The following TENT4A variants were observed in gnomAD, a reference collection of about 807,000 sequenced individuals.
TENT4A encodes the protein terminal nucleotidyltransferase 4A, also known as DNA polymerase kappa.
A neutral mutation model predicts 72.8 loss-of-function variants in TENT4A; 7 were observed. The observed-to-expected ratio is 0.10, with a 90% CI of 0.05 to 0.18. TENT4A has a LOEUF of 0.18. Among genes scored for constraint, TENT4A ranks in the 10% least tolerant of loss-of-function variants. The pLI, the probability that TENT4A is intolerant of heterozygous loss-of-function variation, is 1.00. For missense variants in TENT4A, 831 were observed against 1,017.7 expected, an observed-to-expected ratio of 0.82 and a Z score of 2.50; for synonymous variants, 456 against 434.3, an observed-to-expected ratio of 1.05 and a Z score of -0.62.
chr5:6,723,461 G>C (rs1207785043), intron 1 of TENT4A, among the ~76,000 whole-genome samples: 1 of 151,946 alleles, frequency 6.6e-6, no homozygotes, highest in Non-Finnish European at 1.5e-5. Context: ...TCCCAGAGCT[G>C]ACCCTTGAAA....
Position 6,739,921 on chromosome 5 carries a change from C to T in TENT4A, c.1008+69C>T, listed in dbSNP as rs551747965. ...TCACATCCCAGGTGGTCACAGGATA[C>T]GCCTGCGTCACGAGCTTGTGGTATT... On this transcript the variant is annotated intron_variant, in intron 4 of 12. Coordinates refer to ENST00000230859, the MANE Select transcript of TENT4A (RefSeq NM_006999.6). The T allele has an allele frequency of 1.1e-4, 166 of 1,483,308 alleles. 1 individual carries two copies. In the South Asian group the frequency reaches 1.2e-3, roughly 11 times the overall value. The allele number at this position is 1,483,308 out of a possible 1,614,324, so 91.9% of individuals were successfully genotyped here.
chr5:6,746,095 C>A, intron 6 of TENT4A, 119 bp from the exon 7 acceptor site: 1 of 1,546,924 alleles, frequency 6.5e-7, no homozygotes, highest in Admixed American at 2.1e-5. Flanking sequence ...GGTGAGTGAG[C>A]GAGTGCCACT....
In TENT4A at chr5:6,752,913, C is replaced by G; in HGVS notation, c.2060C>G (p.Pro687Arg). 6.2e-7 allele frequency: 1 copy of G among 1,614,228 alleles called. No homozygotes were observed. The highest frequency in any genetic ancestry group is 8.5e-7 in the Non-Finnish European group (1 of 1,180,042). Residue 687 changes from proline to arginine, a missense_variant, in exon 12 of 13, where the codon CCT becomes CGT. Physicochemically the swap from Pro to Arg is moderately radical, Grantham distance 103 (BLOSUM62 -2). This residue lies in a region of TENT4A where 332 missense variants were observed against 324.3 expected (regional missense o/e 1.02). Transcript: ENST00000230859. Reference sequence around the variant, plus strand: ...CCTCCACCGACCCTAGGGGTTGCTCCTGTTCCTTGCAGACAAGCTGGTGTA... The same window carrying G: ...CCTCCACCGACCCTAGGGGTTGCTCGTGTTCCTTGCAGACAAGCTGGTGTA... ...TIPPPTLGVA[P>R]VPCRQAGVEG...
intron 1 of TENT4A, among the ~76,000 whole-genome samples, chr5:6,725,137 C>G (rs780568927): frequency 2.6e-5 from 4 of 152,152 alleles, no homozygotes; most frequent in African/African-American, 9.7e-5. Context: ...CTGGCTAACA[C>G]AGTAAAACCC....
chr5:6,740,004 T>C, intron 4 of TENT4A, 152 bp downstream of exon 4: 1 of 740,704 alleles, frequency 1.4e-6, no homozygotes, highest in South Asian at 2.0e-5. Context: ...TAGACATGTG[T>C]TTTATGTTTT....
chr5:6,738,818 T>A (rs749667681), intron 3 of TENT4A, 89 bp downstream of exon 3: 1 of 988,124 alleles, frequency 1.0e-6, no homozygotes, highest in Non-Finnish European at 1.6e-6. Context: ...TCTTTGTAAT[T>A]GAGTCTAAGG....
At chr5:6,734,401 G>A (rs577449866) in intron 1 of TENT4A, among the ~76,000 whole-genome samples, 1 of 152,356 alleles carries the variant, frequency 6.6e-6, no homozygotes, top group African/African-American at 2.4e-5. Flanking sequence ...GATGATGGTT[G>A]GCACTGTCCC....
Position 6,746,438 on chromosome 5 carries a change from C to G in TENT4A, c.1459+11C>G, listed in dbSNP as rs769708183. On this transcript the variant is annotated intron_variant, in intron 7 of 12. Coordinates refer to ENST00000230859, the MANE Select transcript of TENT4A (RefSeq NM_006999.6). ...ACCCCCTGCTGCCAGGTAAGGGCGC[C>G]CTGATCTCCACTGCTGAGAGCTGGG... 92 of 1,613,602 alleles carry G rather than the reference C, an allele frequency of 5.7e-5. No individual in the cohort carries two copies. Among genetic ancestry groups the G allele is most frequent in the Non-Finnish European group, 7.7e-5 (91 of 1,179,646 alleles).
At position 6,755,630 on chromosome 5, in the gene TENT4A, ATT is replaced by A. The variant is rs1742652769; in HGVS notation, c.*688_*689del. 1 of 152,306 alleles carries A rather than the reference ATT, an allele frequency of 6.6e-6. No individual in the cohort carries two copies. Among genetic ancestry groups the A allele is most frequent in the Non-Finnish European group, 1.5e-5 (1 of 68,004 alleles). 9.4% of individuals were successfully genotyped at this position (152,306 alleles called of 1,614,324 possible). A position where few individuals can be genotyped will look rare whatever the true frequency, so the allele number is the denominator to read the frequency against. The stretch of plus-strand genomic sequence containing the variant: ...ACCATGATGAGGGGTTTGGGGTTTT[ATT>A]TTGATGTCTTTTCTTTTGGTCGGAA... On this transcript the variant is annotated 3_prime_UTR_variant, in exon 13 of 13. Coordinates refer to ENST00000230859, the MANE Select transcript of TENT4A (RefSeq NM_006999.6).
At chr5:6,747,261 TCTC>T (rs1428979296) in intron 7 of TENT4A, among the ~76,000 whole-genome samples, 3 of 152,302 alleles carry the variant, frequency 2.0e-5, no homozygotes, top group East Asian at 1.9e-4. Flanking sequence ...CCCTGGGCCT[TCTC>T]CTCTGTGTGG....
intron 1 of TENT4A, among the ~76,000 whole-genome samples, chr5:6,729,162 C>T (rs1741082822): frequency 6.6e-6 from 1 of 152,204 alleles, no homozygotes; most frequent in South Asian, 2.1e-4. Context: ...AGCTCAGTGG[C>T]TCAGACTTCA....
intron 6 of TENT4A, among the ~76,000 whole-genome samples, chr5:6,744,507 G>A (rs1011028973): frequency 5.3e-5 from 8 of 152,148 alleles, no homozygotes; most frequent in Admixed American, 1.3e-4. Context: ...TTAGCCGCAC[G>A]GCTGTATTTC....
At chr5:6,748,382 G>T in intron 7 of TENT4A, 82 bp from the exon 8 acceptor site, 1 of 1,563,036 alleles carries the variant, frequency 6.4e-7, no homozygotes, top group South Asian at 1.1e-5. Context: ...GCCTGCTTCA[G>T]AGTCACTTGT....
chr5:6,735,761 T>TC (rs1423068132), intron 1 of TENT4A, among the ~76,000 whole-genome samples: 4 of 145,262 alleles, frequency 2.8e-5, no homozygotes, highest in African/African-American at 9.9e-5. Flanking sequence ...TTTTCTTACT[T>TC]TTTTTTTTTT....
At chr5:6,726,880 TGGC>T (rs1023339454) in intron 1 of TENT4A, among the ~76,000 whole-genome samples, 6 of 152,054 alleles carry the variant, frequency 3.9e-5, no homozygotes, top group African/African-American at 1.5e-4. Context: ...GGCCTTAGCG[TGGC>T]GGGGGGTTTT....
At chr5:6,747,026 T>G (rs1742142918) in intron 7 of TENT4A, among the ~76,000 whole-genome samples, 1 of 152,248 alleles carries the variant, frequency 6.6e-6, no homozygotes, top group African/African-American at 2.4e-5. Flanking sequence ...ATTCCTTTGG[T>G]GACAGTCTTT....
At chr5:6,728,053 T>A (rs1741024300) in intron 1 of TENT4A, among the ~76,000 whole-genome samples, 1 of 152,232 alleles carries the variant, frequency 6.6e-6, no homozygotes, top group Non-Finnish European at 1.5e-5. Flanking sequence ...CTCGAATAGT[T>A]GTTTTCTGTC....
chr5:6,741,203 C>T (rs1579482699), intron 4 of TENT4A, among the ~76,000 whole-genome samples: 1 of 152,188 alleles, frequency 6.6e-6, no homozygotes, highest in Non-Finnish European at 1.5e-5. Context: ...TACCTGAGGG[C>T]CAGTGTAGAC....
intron 12 of TENT4A, 47 bp from the exon 13 acceptor site, chr5:6,754,704 T>C (rs747844238): frequency 6.8e-7 from 1 of 1,472,984 alleles, no homozygotes; most frequent in East Asian, 2.4e-5. Flanking sequence ...ACGTGGGCAT[T>C]GTGCCTGCTG....
Sources: gnomAD v4.1 joint callset for allele counts (sites outside exome capture counted in the v4.1 genomes callset) on GRCh38, gnomAD v4.1.1 for gene constraint, gnomAD v4.1.1 regional missense constraint, MANE v1.5 for transcripts, NCBI Gene and HGNC (gene_info 2026-07-23, HGNC 2026-07-21) for gene names.